The following KIF16B variants were observed in gnomAD, a reference collection of about 807,000 sequenced individuals.
KIF16B encodes the protein kinesin family member 16B.
A neutral mutation model predicts 156.3 loss-of-function variants in KIF16B; 98 were observed. The ratio of observed to expected loss-of-function variants is 0.63; its 90% CI spans 0.53 to 0.74. The LOEUF (loss-of-function observed/expected upper bound fraction) is 0.74. Among genes scored for constraint, KIF16B ranks in the 30% least tolerant of loss-of-function variants. KIF16B has a pLI of 0.00. For missense variants in KIF16B, 1,421 were observed against 1,606.5 expected (o/e 0.88, Z 1.97); for synonymous variants, 564 against 583.7 (o/e 0.97, Z 0.49).
chr20:16,528,341 G>A lies in KIF16B; in HGVS notation c.117+30C>T, dbSNP rs74412819. On this transcript the variant is annotated intron_variant, in intron 2 of 25. Transcript: ENST00000354981. ...CAGTAAAGCAATCATGGGGCTCTTG[G>A]AACTTAAGCAAGGCCAGGTCATGAC... The A allele has an allele frequency of 6.2e-4, 970 of 1,568,620 alleles. 5 individuals are homozygous for A. In the African/African-American group the frequency reaches 0.012, roughly 19 times the overall value.
rs1014041395 is a variant in KIF16B, at chr20:16,272,334, C to T, written c.*919G>A. On this transcript the variant is annotated 3_prime_UTR_variant, in exon 26 of 26. Transcript: ENST00000354981. ...AGTAAAACAAAGCAGTTTTACTGTA[C>T]ACAGAAGTGCAATGCTACATTAAGT... 1.3e-5 allele frequency: 2 copies of T among 152,542 alleles called. No individual in the cohort carries two copies. Among genetic ancestry groups the T allele is most frequent in the African/African-American group, 4.8e-5 (2 of 41,404 alleles). 9.4% of individuals were successfully genotyped at this position (152,542 alleles called of 1,614,324 possible). A position where few individuals can be genotyped will look rare whatever the true frequency, so the allele number is the denominator to read the frequency against.
intron 12 of KIF16B, among the ~76,000 whole-genome samples, chr20:16,447,300 TAA>T (rs147514585): frequency 2.0e-5 from 3 of 146,434 alleles, no homozygotes; most frequent in East Asian, 2.0e-4. Context: ...ATTCTGATGT[TAA>T]AAAAAAAAAA....
chr20:16,379,652 C>G lies in KIF16B; in HGVS notation c.2350G>C (p.Val784Leu). The change falls in exon 19 of 26, where the codon GTA becomes CTA. Residue 784 changes from valine (V) to leucine (L), a missense_variant. Physicochemically the swap from Val to Leu is conservative, Grantham distance 32. Transcript: ENST00000354981. ...EMIQLLRRGE[V>L]QWVEEEKRDL... The stretch of plus-strand genomic sequence containing the variant: ...CTCTTCTCCTCTTCCACCCACTGTA[C>G]CTCCCCACGCCGCAGGAGCTGGATC... 1.2e-6 allele frequency: 2 copies of G among 1,614,162 alleles called. No homozygotes were observed. Among genetic ancestry groups the G allele is most frequent in the South Asian group, 2.2e-5 (2 of 91,076 alleles).
intron 25 of KIF16B, among the ~76,000 whole-genome samples, chr20:16,289,307 C>T (rs1406932296): frequency 6.6e-6 from 1 of 152,036 alleles, no homozygotes; most frequent in Non-Finnish European, 1.5e-5. Flanking sequence ...AGTTGGGGAC[C>T]ACCCAGAGTT....
chr20:16,483,389 G>A (rs772410375), intron 12 of KIF16B, among the ~76,000 whole-genome samples: 32 of 152,112 alleles, frequency 2.1e-4, no homozygotes, highest in Non-Finnish European at 3.5e-4. Context: ...GATAAAATAC[G>A]TCTAAGTAAC....
chr20:16,438,899 A>C (rs2066719048), intron 12 of KIF16B, among the ~76,000 whole-genome samples: 1 of 152,190 alleles, frequency 6.6e-6, no homozygotes, highest in South Asian at 2.1e-4. Flanking sequence ...GGGCTCTATT[A>C]ATTATGTTCT....
chr20:16,318,849 C>G (rs1341818734), intron 24 of KIF16B, among the ~76,000 whole-genome samples: 1 of 152,128 alleles, frequency 6.6e-6, no homozygotes, highest in Non-Finnish European at 1.5e-5. Flanking sequence ...TTTCCCCACT[C>G]CTGAAATGTG....
At chr20:16,503,590 C>G (rs956079124) in intron 10 of KIF16B, among the ~76,000 whole-genome samples, 3 of 152,178 alleles carry the variant, frequency 2.0e-5, no homozygotes, top group Non-Finnish European at 2.9e-5. Flanking sequence ...TCACGATATA[C>G]TTAAGACATC....
chr20:16,466,751 C>T (rs575339585), intron 12 of KIF16B, among the ~76,000 whole-genome samples: 3 of 152,274 alleles, frequency 2.0e-5, no homozygotes, highest in South Asian at 4.1e-4. Context: ...AGAATCAAAA[C>T]TTACTGGAGC....
chr20:16,362,841 T>A (rs1183929369), intron 22 of KIF16B, among the ~76,000 whole-genome samples: 1 of 152,192 alleles, frequency 6.6e-6, no homozygotes, highest in Non-Finnish European at 1.5e-5. Context: ...GTGACTGGGA[T>A]TGCTGTCACC....
intron 1 of KIF16B, among the ~76,000 whole-genome samples, chr20:16,534,361 A>T (rs569126077): frequency 1.8e-4 from 28 of 152,342 alleles, no homozygotes; most frequent in African/African-American, 5.1e-4. Flanking sequence ...TCCTGAAAAC[A>T]CTTATAGAAA....
intron 10 of KIF16B, among the ~76,000 whole-genome samples, chr20:16,502,648 C>G (rs956885397): frequency 1.3e-5 from 2 of 152,040 alleles, no homozygotes; most frequent in Admixed American, 6.5e-5. Flanking sequence ...TATGGCATAA[C>G]AATACCTCTG....
chr20:16,362,288 A>G (rs932947366), intron 22 of KIF16B, among the ~76,000 whole-genome samples: 1 of 152,166 alleles, frequency 6.6e-6, no homozygotes, highest in African/African-American at 2.4e-5. Context: ...AAAGAAGCAA[A>G]AGTAAACATA....
chr20:16,522,347 A>C (rs2069383642), intron 3 of KIF16B, among the ~76,000 whole-genome samples: 1 of 152,230 alleles, frequency 6.6e-6, no homozygotes, highest in South Asian at 2.1e-4. Flanking sequence ...AATGGAAAGC[A>C]AAAAATAGCA....
chr20:16,466,268 C>T (rs1476511530), intron 12 of KIF16B, among the ~76,000 whole-genome samples: 2 of 152,184 alleles, frequency 1.3e-5, no homozygotes, highest in Non-Finnish European at 2.9e-5. Context: ...CAAGTAAAAG[C>T]CGAACAAACT....
chr20:16,296,021 C>T (rs1017500248), intron 25 of KIF16B, among the ~76,000 whole-genome samples: 6 of 152,192 alleles, frequency 3.9e-5, no homozygotes, highest in African/African-American at 1.2e-4. Flanking sequence ...CCCAGGGGCC[C>T]AAGAGCTAAT....
At chr20:16,459,065 T>G in intron 12 of KIF16B, among the ~76,000 whole-genome samples, 1 of 130,062 alleles carries the variant, frequency 7.7e-6, no homozygotes, top group East Asian at 2.0e-4. Flanking sequence ...GCTTTAATGC[T>G]TATGTTATAA....
intron 17 of KIF16B, among the ~76,000 whole-genome samples, chr20:16,388,944 C>G (rs1164277064): frequency 6.6e-6 from 1 of 152,150 alleles, no homozygotes; most frequent in African/African-American, 2.4e-5. Flanking sequence ...CCAGTCAATG[C>G]TTGAGCAGGC....
chr20:16,567,975 C>T (rs932865477), intron 1 of KIF16B, among the ~76,000 whole-genome samples: 1 of 152,138 alleles, frequency 6.6e-6, no homozygotes, highest in Non-Finnish European at 1.5e-5. Context: ...AAGTGTAGTA[C>T]CTGGTACCTG....
Sources: allele counts gnomAD v4.1 joint callset (sites outside exome capture counted in the v4.1 genomes callset), GRCh38; gene constraint gnomAD v4.1.1; transcripts MANE v1.5; gene names NCBI Gene and HGNC (gene_info 2026-07-23, HGNC 2026-07-21).